Variants in IGSF3 observed in about 807,000 individuals in gnomAD.
The protein encoded by IGSF3 is immunoglobulin superfamily member 3.
Under a neutral mutation model 114.4 loss-of-function variants are expected in IGSF3, and 23 were observed. The ratio of observed to expected loss-of-function variants is 0.20; its 90% CI spans 0.14 to 0.28. The LOEUF is 0.28. IGSF3 is among the 10% of genes least tolerant of loss of function. The probability of loss-of-function intolerance (pLI) is 1.00; values close to 1 mark genes in which losing one functional copy is unlikely to be tolerated. For missense variants in IGSF3, 1,172 were observed against 1,591.5 expected (o/e 0.74, Z 4.48); for synonymous variants, 571 against 645.2 (o/e 0.88, Z 1.74).
intron 2 of IGSF3, among the ~76,000 whole-genome samples, chr1:116,619,270 G>A (rs1661334501): frequency 6.6e-6 from 1 of 152,162 alleles, no homozygotes; most frequent in Admixed American, 6.5e-5. Flanking sequence ...GCAATAACGA[G>A]TTTAACCAGA....
chr1:116,655,610 T>C lies in IGSF3; in HGVS notation c.43+10674A>G, dbSNP rs1398739911. On this transcript the variant is annotated intron_variant, in intron 2 of 10. Coordinates refer to ENST00000369486, the MANE Select transcript of IGSF3 (RefSeq NM_001007237.3). This position sits in a 1 kb window ranked among gnomAD's most constrained non-coding sequence, Gnocchi z 4.3. ...ATGCTGAGCCCGTAGCCAGCAACCT[T>C]AAAGGCTACTCGGGTCCAGTTCATT... Among the ~76,000 whole-genome samples the C allele has an allele frequency of 6.6e-6, 1 of 152,224 alleles. No homozygotes were observed. The highest frequency in any genetic ancestry group is 1.5e-5 in the Non-Finnish European group (1 of 68,038).
chr1:116,577,738 G>A lies in IGSF3; in HGVS notation c.3335-176C>T, dbSNP rs1012704059. Among the ~76,000 whole-genome samples the A allele has an allele frequency of 2.0e-5, 3 of 151,946 alleles. No homozygotes were observed. The highest frequency in any genetic ancestry group is 4.4e-5 in the Non-Finnish European group (3 of 68,008). ...AGATGACCCTTATATTCTTTTTCTC[G>A]CAACACCTCTCCTAATTTACGGCTG... On this transcript the variant is annotated intron_variant, in intron 10 of 10. Transcript: ENST00000369486. The surrounding 1 kb of genome is among the most constrained non-coding windows in gnomAD (Gnocchi z 5.7).
chr1:116,603,825 A>G lies in IGSF3; in HGVS notation c.1423T>C (p.Tyr475His), dbSNP rs1571145818. 6.2e-7 allele frequency: 1 copy of G among 1,614,040 alleles called. No individual in the cohort carries two copies. The highest frequency in any genetic ancestry group is 8.5e-7 in the Non-Finnish European group (1 of 1,179,878). The change falls in exon 6 of 11, where the codon TAC becomes CAC. Residue 475 changes from tyrosine to histidine, a missense_variant. By Grantham distance (83) the Tyr-to-His change is moderately conservative (BLOSUM62 2). Coordinates refer to ENST00000369486, the MANE Select transcript of IGSF3 (RefSeq NM_001007237.3). This position sits in a 1 kb window ranked among gnomAD's most constrained non-coding sequence, Gnocchi z 7.1. ...CCCCCAAAGCTGCTGCGCTCCCAGT[A>G]GGACGAGCCTGGCTGCACGGTGCCA... ...RDGTVQPGSSYWERSSFGGVQ... is the reference protein window; with the variant it reads ...RDGTVQPGSSHWERSSFGGVQ...
At chr1:116,622,359 G>A (rs1276884830) in intron 2 of IGSF3, among the ~76,000 whole-genome samples, 1 of 152,072 alleles carries the variant, frequency 6.6e-6, no homozygotes, top group Non-Finnish European at 1.5e-5. Context: ...CTGCCAAGGT[G>A]AGATATCAAT....
rs552602059 is a variant in IGSF3 at position 116,600,234 on chromosome 1, G to A, written c.1736C>T (p.Ser579Leu). The A allele has an allele frequency of 1.4e-5, 22 of 1,614,208 alleles. No individual in the cohort carries two copies. The highest frequency in any genetic ancestry group is 3.3e-4 in the Middle Eastern group (2 of 6,042). The stretch of plus-strand genomic sequence containing the variant: ...CACCGGCTGGAACCGCCATGTCACC[G>A]ACACGGGGACCCAGGCAGGGTAGTG... ...KPHYPAWVPVSVTWRFQPVGT... is the reference protein window; with the variant it reads ...KPHYPAWVPVLVTWRFQPVGT... The change falls in exon 7 of 11, where the codon TCG becomes TTG. Residue 579 changes from serine to leucine, a missense_variant. By Grantham distance (145) the Ser-to-Leu change is moderately radical. This residue lies in a region of IGSF3 where 736 missense variants were observed against 1,042.0 expected (regional missense o/e 0.71). Coordinates refer to ENST00000369486, the MANE Select transcript of IGSF3 (RefSeq NM_001007237.3). This position sits in a 1 kb window ranked among gnomAD's most constrained non-coding sequence, Gnocchi z 5.5.
In IGSF3 at chr1:116,600,936, C is replaced by A. The variant is rs142610287; in HGVS notation, c.1625-591G>T. ...TAAATGCAGGGTTCTGCAGGCTCAGCGGCTGTGGGTCTCTCAATATTCCTT... is the reference window on the plus strand; with the variant it reads ...TAAATGCAGGGTTCTGCAGGCTCAGAGGCTGTGGGTCTCTCAATATTCCTT... On this transcript the variant is annotated intron_variant, in intron 6 of 10. Coordinates refer to ENST00000369486, the MANE Select transcript of IGSF3 (RefSeq NM_001007237.3). The surrounding 1 kb of genome is among the most constrained non-coding windows in gnomAD (Gnocchi z 5.5). Among the ~76,000 whole-genome samples, 2 of 152,158 alleles carry A rather than the reference C, an allele frequency of 1.3e-5. 1 individual carries two copies. The highest frequency in any genetic ancestry group is 4.8e-5 in the African/African-American group (2 of 41,414).
chr1:116,613,945 C>G lies in IGSF3; in HGVS notation c.652G>C (p.Glu218Gln). 6 of 1,613,904 alleles carry G rather than the reference C, an allele frequency of 3.7e-6. No homozygotes were observed. The highest frequency in any genetic ancestry group is 5.1e-6 in the Non-Finnish European group (6 of 1,179,802). ...SEYAQRQSLGEVRLDKLGRTT... is the reference protein window; with the variant it reads ...SEYAQRQSLGQVRLDKLGRTT... ...CTCCCCAGCTTGTCCAGCCGCACCT[C>G]CCCCAGGCTCTGCCTCTGGGCATAT... The change falls in exon 4 of 11, where the codon GAG becomes CAG. Residue 218 changes from glutamate (E) to glutamine (Q), a missense_variant. Glu to Gln is a conservative substitution (Grantham distance 29). This residue lies in a region of IGSF3 where 736 missense variants were observed against 1,042.0 expected (regional missense o/e 0.71). Transcript: ENST00000369486.
In IGSF3 at chr1:116,634,254, C is replaced by T. The variant is rs551658577; in HGVS notation, c.44-17797G>A. Among the ~76,000 whole-genome samples the T allele has an allele frequency of 6.6e-6, 1 of 152,264 alleles. No individual in the cohort carries two copies. The highest frequency in any genetic ancestry group is 2.1e-4 in the South Asian group (1 of 4,824). On this transcript the variant is annotated intron_variant, in intron 2 of 10. Transcript: ENST00000369486. The surrounding 1 kb of genome is among the most constrained non-coding windows in gnomAD (Gnocchi z 4.2). ...AAATGAGGAGACAGTATAAAAAAGA[C>T]AAGGATAATTTTAAATTTCTCCTAA...
intron 1 of IGSF3, 56 bp from the exon 2 acceptor site, chr1:116,667,012 G>A: frequency 2.5e-6 from 1 of 398,018 alleles, no homozygotes. Context: ...AACCCACTGG[G>A]GCTGAGCGCT....
In IGSF3 at chr1:116,666,357, G is replaced by A; in HGVS notation, c.-31C>T. On this transcript the variant is annotated 5_prime_UTR_variant, in exon 2 of 11. Coordinates refer to ENST00000369486, the MANE Select transcript of IGSF3 (RefSeq NM_001007237.3). ...CAGCCTCCAGGAGACACAACACAAG[G>A]CGCTTCCTCTTCTCCCAGCTCCTAA... 1 of 1,610,748 alleles carries A rather than the reference G, an allele frequency of 6.2e-7. No individual in the cohort carries two copies. The highest frequency in any genetic ancestry group is 8.5e-7 in the Non-Finnish European group (1 of 1,176,914).
chr1:116,612,493 T>C lies in IGSF3; in HGVS notation c.832+1272A>G, dbSNP rs1373007378. Among the ~76,000 whole-genome samples, 8 of 152,156 alleles carry C rather than the reference T, an allele frequency of 5.3e-5. No homozygotes were observed. The highest frequency in any genetic ancestry group is 2.6e-4 in the Admixed American group (4 of 15,266). On this transcript the variant is annotated intron_variant, in intron 4 of 10. Coordinates refer to ENST00000369486, the MANE Select transcript of IGSF3 (RefSeq NM_001007237.3). This position sits in a 1 kb window ranked among gnomAD's most constrained non-coding sequence, Gnocchi z 4.1. ...CAGGTCCCATCCCAGGAGCCTCCAA[T>C]TGAAGACTTCTGGGACGAAGCCCCA... is the stretch of plus-strand genomic sequence containing the variant.
Position 116,654,777 on chromosome 1 carries a change from TC to T in IGSF3, c.43+11506del, listed in dbSNP as rs1187670965. Among the ~76,000 whole-genome samples, 8 of 152,114 alleles carry T rather than the reference TC, an allele frequency of 5.3e-5. No homozygotes were observed. Among genetic ancestry groups the T allele is most frequent in the Admixed American group, 5.2e-4 (8 of 15,276 alleles). On this transcript the variant is annotated intron_variant, in intron 2 of 10. Coordinates refer to ENST00000369486, the MANE Select transcript of IGSF3 (RefSeq NM_001007237.3). The surrounding 1 kb of genome is among the most constrained non-coding windows in gnomAD (Gnocchi z 4.4). Reference sequence around the variant, plus strand: ...TCCCAATTCCCACACACAAGCAACATCCCCAGCAGTAATAAGGACGTTCCAC... The same window carrying T: ...TCCCAATTCCCACACACAAGCAACATCCCAGCAGTAATAAGGACGTTCCAC...
At position 116,655,726 on chromosome 1, in the gene IGSF3, C is replaced by A. The variant is rs1027911744; in HGVS notation, c.43+10558G>T. Among the ~76,000 whole-genome samples the A allele has an allele frequency of 2.6e-5, 4 of 152,194 alleles. No homozygotes were observed. Among genetic ancestry groups the A allele is most frequent in the Admixed American group, 2.6e-4 (4 of 15,282 alleles). On this transcript the variant is annotated intron_variant, in intron 2 of 10. Transcript: ENST00000369486. The surrounding 1 kb of genome is among the most constrained non-coding windows in gnomAD (Gnocchi z 4.3). ...CAAGAACACTTAACTGAATTAGACA[C>A]AAAACTAAGTATTTATGGTTGTCAT... is the stretch of plus-strand genomic sequence containing the variant.
Position 116,624,176 on chromosome 1 carries a change from C to T in IGSF3, c.44-7719G>A, listed in dbSNP as rs537958547. On this transcript the variant is annotated intron_variant, in intron 2 of 10. Coordinates refer to ENST00000369486, the MANE Select transcript of IGSF3 (RefSeq NM_001007237.3). The surrounding 1 kb of genome is among the most constrained non-coding windows in gnomAD (Gnocchi z 4.9). ...CAATGATTGTGCCACTGCACTCCAG[C>T]CTGGGTGACAGAGCGAGATCTTGTC... 2.4e-4 allele frequency among the ~76,000 whole-genome samples: 37 copies of T among 151,796 alleles called. No homozygotes were observed. The South Asian group carries it at 2.7e-3, about 11-fold the overall frequency.
intron 2 of IGSF3, among the ~76,000 whole-genome samples, chr1:116,637,288 G>T (rs1166681954): frequency 6.6e-6 from 1 of 152,116 alleles, no homozygotes; most frequent in Non-Finnish European, 1.5e-5. Flanking sequence ...TGGGCTCAGG[G>T]GTCCTGGATA....
At position 116,615,980 on chromosome 1, in the gene IGSF3, G is replaced by A. The variant is rs1557872844; in HGVS notation, c.421+100C>T. On this transcript the variant is annotated intron_variant, in intron 3 of 10. Transcript: ENST00000369486. This position sits in a 1 kb window ranked among gnomAD's most constrained non-coding sequence, Gnocchi z 4.3. ...CCCTAAAATATGTTGGGAGTTTTGG[G>A]ATTTTTTTTAAAGTCAAATGCATGG... 1.2e-5 allele frequency: 12 copies of A among 1,010,840 alleles called. No homozygotes were observed. The highest frequency in any genetic ancestry group is 1.6e-5 in the African/African-American group (1 of 60,780). The allele number at this position is 1,010,840 out of a possible 1,614,324, so 62.6% of individuals were successfully genotyped here.
intron 9 of IGSF3, among the ~76,000 whole-genome samples, chr1:116,581,315 GCTGT>G (rs1659590871): frequency 1.5e-5 from 2 of 132,570 alleles, no homozygotes; most frequent in African/African-American, 2.9e-5. Context: ...AATCTGTTTT[GCTGT>G]CTTTTTTTTT....
At position 116,593,143 on chromosome 1, in the gene IGSF3, C is replaced by T. The variant is rs1235352039; in HGVS notation, c.2030-4039G>A. 1.3e-5 allele frequency among the ~76,000 whole-genome samples: 2 copies of T among 152,228 alleles called. No homozygotes were observed. The highest frequency in any genetic ancestry group is 1.3e-4 in the Admixed American group (2 of 15,282). On this transcript the variant is annotated intron_variant, in intron 7 of 10. Coordinates refer to ENST00000369486, the MANE Select transcript of IGSF3 (RefSeq NM_001007237.3). This position sits in a 1 kb window ranked among gnomAD's most constrained non-coding sequence, Gnocchi z 4.5. ...CTGACCACCTGTGGCCCTCAGGGTG[C>T]ACGCCATGGATCTGCAGATCAGCAT...
intron 1 of IGSF3, 74 bp downstream of exon 1, chr1:116,667,543 TC>T (rs1468662982): frequency 2.4e-5 from 2 of 84,084 alleles, no homozygotes; most frequent in African/African-American, 8.9e-5. Flanking sequence ...CGCTCCCCGC[TC>T]CCCGCTCCAC....
Sources: allele counts gnomAD v4.1 joint callset (sites outside exome capture counted in the v4.1 genomes callset), GRCh38; gene constraint gnomAD v4.1.1; regional missense constraint gnomAD v4.1.1; non-coding constraint Gnocchi (gnomAD v3.1); transcripts MANE v1.5; gene names NCBI Gene and HGNC (gene_info 2026-07-23, HGNC 2026-07-21).